ZNF362: variants seen among roughly 807,000 people sequenced by gnomAD.
The protein encoded by ZNF362 is rotund homolog.
Under a neutral mutation model 42.9 loss-of-function variants are expected in ZNF362, and 11 were observed. The ratio of observed to expected loss-of-function variants is 0.26; its 90% confidence interval spans 0.16 to 0.42. The LOEUF is 0.42. Ranked by LOEUF, ZNF362 falls within the 20% of genes least tolerant of loss-of-function variation. The pLI is 1.00. For missense variants in ZNF362, 362 were observed against 576.2 expected, an observed-to-expected ratio of 0.63 and a Z score of 3.81; for synonymous variants, 255 against 257.3, an observed-to-expected ratio of 0.99 and a Z score of 0.09.
intron 1 of ZNF362, among the ~76,000 whole-genome samples, chr1:33,259,634 G>T (rs1320811431): frequency 6.6e-6 from 1 of 152,164 alleles, no homozygotes; most frequent in Non-Finnish European, 1.5e-5. Context: ...GTCCTTCTAT[G>T]CAATCCTTAG....
the ZNF362 span, among the ~76,000 whole-genome samples, chr1:33,187,854 C>G: frequency 6.6e-6 from 1 of 152,126 alleles, no homozygotes; most frequent in Non-Finnish European, 1.5e-5. Context: ...GTGAGAGAGG[C>G]CACTCATTTC....
the ZNF362 span, among the ~76,000 whole-genome samples, chr1:33,127,607 T>C: frequency 6.6e-6 from 1 of 152,242 alleles, no homozygotes; most frequent in Admixed American, 6.5e-5. Flanking sequence ...GGAAGTGGGC[T>C]TATTTGCGCA....
intron 1 of ZNF362, among the ~76,000 whole-genome samples, chr1:33,257,331 A>AT (rs1222463266): frequency 6.6e-6 from 1 of 150,876 alleles, no homozygotes; most frequent in Non-Finnish European, 1.5e-5. Context: ...AAAAAAAAAA[A>AT]GGGAAGCTGC....
the ZNF362 span, among the ~76,000 whole-genome samples, chr1:33,230,248 C>T: frequency 6.6e-6 from 1 of 152,130 alleles, no homozygotes. Flanking sequence ...AGGATTAAAT[C>T]TGGAAAGTAA....
the ZNF362 span, among the ~76,000 whole-genome samples, chr1:33,215,298 A>G: frequency 6.6e-6 from 1 of 152,126 alleles, no homozygotes; most frequent in African/African-American, 2.4e-5. Flanking sequence ...AATTAAAACA[A>G]TTGAACTCAT....
rs778688588 is a variant in ZNF362 at position 33,276,463 on chromosome 1, C to A, written c.218C>A (p.Pro73Gln). The A allele has an allele frequency of 3.2e-6, 5 of 1,552,630 alleles. No homozygotes were observed. Among genetic ancestry groups the A allele is most frequent in the South Asian group, 1.2e-5 (1 of 84,772 alleles). ...TCGCAGCAGCCGTTGCTAGTGCCGCCGGCACCCGCCGAGAGCAGCCAGGCC... is the reference window on the plus strand; with the variant it reads ...TCGCAGCAGCCGTTGCTAGTGCCGCAGGCACCCGCCGAGAGCAGCCAGGCC... ...ASSQQPLLVP[P>Q]APAESSQAVM... The change falls in exon 4 of 9, where the codon CCG (proline) becomes CAG (glutamine). Residue 73 changes from proline to glutamine, a missense_variant. Physicochemically the swap from Pro to Gln is moderately conservative, Grantham distance 76. Coordinates refer to ENST00000539719, the MANE Select transcript of ZNF362 (RefSeq NM_152493.3).
chr1:33,261,939 A>G (rs1045002202), intron 1 of ZNF362, among the ~76,000 whole-genome samples: 1 of 152,234 alleles, frequency 6.6e-6, no homozygotes, highest in African/African-American at 2.4e-5. Flanking sequence ...TCTCTAGTGC[A>G]GAAGCTACCC....
At chr1:33,150,246 T>C in the ZNF362 span, among the ~76,000 whole-genome samples, 33 of 152,192 alleles carry the variant, frequency 2.2e-4, no homozygotes, top group South Asian at 4.1e-4. Flanking sequence ...TCTGGCTCTT[T>C]CCTTTACTGG....
At chr1:33,255,901 C>A (rs1645784539), upstream of ZNF362, among the ~76,000 whole-genome samples, 1 of 151,976 alleles carries the variant, frequency 6.6e-6, no homozygotes, top group East Asian at 2.0e-4. Flanking sequence ...GCGGGCTCGG[C>A]CTGGTCAGGG....
At chr1:33,174,137 CT>C in the ZNF362 span, among the ~76,000 whole-genome samples, 640 of 151,066 alleles carry the variant, frequency 4.2e-3, 6 homozygotes, top group African/African-American at 0.015. Context: ...CCCCCTTCTT[CT>C]CCCTTCTCCC....
At chr1:33,162,564 A>C in the ZNF362 span, among the ~76,000 whole-genome samples, 1 of 152,324 alleles carries the variant, frequency 6.6e-6, no homozygotes, top group East Asian at 1.9e-4. Context: ...GCTGGCAATC[A>C]GGAGTTGCTT....
chr1:33,265,791 A>G (rs1047204457), intron 1 of ZNF362, among the ~76,000 whole-genome samples: 1 of 152,084 alleles, frequency 6.6e-6, no homozygotes, highest in South Asian at 2.1e-4. Context: ...TCCCTTGCTC[A>G]GGGACCTCCC....
the ZNF362 span, among the ~76,000 whole-genome samples, chr1:33,244,852 G>A: frequency 6.6e-6 from 1 of 152,224 alleles, no homozygotes; most frequent in African/African-American, 2.4e-5. This position sits in a 1 kb window ranked among gnomAD's most constrained non-coding sequence, Gnocchi z 4.0. Flanking sequence ...TTAATATTGT[G>A]TTGGGTTTTT....
chr1:33,269,517 C>G (rs774956983), intron 1 of ZNF362, among the ~76,000 whole-genome samples: 8 of 152,126 alleles, frequency 5.3e-5, no homozygotes, highest in Non-Finnish European at 1.2e-4. Context: ...AGCTAGTTCC[C>G]ATGTGACCAT....
rs1181785993 is a variant in ZNF362 at position 33,281,432 on chromosome 1, G to A, written c.684-155G>A. Among the ~76,000 whole-genome samples the A allele has an allele frequency of 6.6e-6, 1 of 152,154 alleles. No individual in the cohort carries two copies. The highest frequency in any genetic ancestry group is 1.5e-5 in the Non-Finnish European group (1 of 68,030). The stretch of plus-strand genomic sequence containing the variant: ...AGATTTAAGGGTGCCCAGGCTGGGA[G>A]ACTGTCCCCTGTCTTTCCCAGGTGG... On this transcript the variant is annotated intron_variant, in intron 5 of 8. Transcript: ENST00000539719. The surrounding 1 kb of genome is among the most constrained non-coding windows in gnomAD (Gnocchi z 4.8).
chr1:33,273,115 A>C (rs975561810), intron 2 of ZNF362, among the ~76,000 whole-genome samples: 10 of 152,194 alleles, frequency 6.6e-5, no homozygotes, highest in African/African-American at 2.4e-4. Context: ...CCTCAAAGGC[A>C]TGTTGGGAGT....
At chr1:33,248,890 G>A in the ZNF362 span, among the ~76,000 whole-genome samples, 1 of 152,140 alleles carries the variant, frequency 6.6e-6, no homozygotes, top group Non-Finnish European at 1.5e-5. Context: ...CCCATTTTAT[G>A]GATCACCCCC....
At chr1:33,250,852 G>GAAGAAGAAGAAGAAGAAGAA in the ZNF362 span, among the ~76,000 whole-genome samples, 1 of 137,484 alleles carries the variant, frequency 7.3e-6, no homozygotes, top group Non-Finnish European at 1.5e-5. Flanking sequence ...GAAGAAAGAA[G>GAAGAAGAAGAAGAAGAAGAA]GAAGAAGAAG....
intron 1 of ZNF362, among the ~76,000 whole-genome samples, chr1:33,257,883 A>G (rs1477668069): frequency 3.3e-5 from 5 of 151,948 alleles, no homozygotes; most frequent in African/African-American, 1.2e-4. Context: ...CCCTGGGGTG[A>G]CCCTTGGACC....
Sources: gnomAD v4.1 joint callset for allele counts (sites outside exome capture counted in the v4.1 genomes callset) on GRCh38, gnomAD v4.1.1 for gene constraint, Gnocchi (gnomAD v3.1) non-coding constraint, MANE v1.5 for transcripts, NCBI Gene and HGNC (gene_info 2026-07-23, HGNC 2026-07-21) for gene names.